The following KCNQ5 variants were observed in gnomAD, a reference collection of about 807,000 sequenced individuals.
The protein encoded by KCNQ5 is potassium voltage-gated channel subfamily KQT member 5.
In KCNQ5, 30 loss-of-function variants were observed where a neutral mutation model predicts 98.2. That is an observed-to-expected ratio of 0.31 (90% CI 0.23 to 0.41). KCNQ5 has a LOEUF of 0.41. Among genes scored for constraint, KCNQ5 ranks in the 10% least tolerant of loss-of-function variants. KCNQ5 has a pLI of 1.00. For synonymous variants in KCNQ5, 458 were observed against 449.4 expected, an observed-to-expected ratio of 1.02 and a Z score of -0.24; for missense variants, 835 against 1,182.5, an observed-to-expected ratio of 0.71 and a Z score of 4.31.
At chr6:72,910,695 C>A (rs138277995) in intron 1 of KCNQ5, among the ~76,000 whole-genome samples, 5 of 151,086 alleles carry the variant, frequency 3.3e-5, no homozygotes, top group Admixed American at 6.6e-5. Context: ...ACTCAAATAC[C>A]CTTGCACTCT....
At chr6:72,668,355 A>G (rs1169158245) in intron 1 of KCNQ5, among the ~76,000 whole-genome samples, 1 of 152,168 alleles carries the variant, frequency 6.6e-6, no homozygotes, top group Non-Finnish European at 1.5e-5. Context: ...GAGAAAACGG[A>G]ATTTCTGCCT....
At chr6:73,175,209 G>A (rs1166540467) in intron 11 of KCNQ5, among the ~76,000 whole-genome samples, 3 of 151,832 alleles carry the variant, frequency 2.0e-5, no homozygotes, top group Non-Finnish European at 4.4e-5. Flanking sequence ...GGAGTGCAAC[G>A]GCGCGATCTT....
At chr6:72,719,823 A>T (rs1769851244) in intron 1 of KCNQ5, among the ~76,000 whole-genome samples, 1 of 151,880 alleles carries the variant, frequency 6.6e-6, no homozygotes, top group Non-Finnish European at 1.5e-5. Flanking sequence ...TCTCTAGACC[A>T]CTCCTGAGGC....
intron 1 of KCNQ5, among the ~76,000 whole-genome samples, chr6:72,708,970 C>A (rs115475489): frequency 0.013 from 2,028 of 152,258 alleles, 32 homozygotes; most frequent in African/African-American, 0.042. Flanking sequence ...TTCTCTAAAA[C>A]TTTGCAAATA....
At chr6:72,934,782 G>C (rs1287273793) in intron 1 of KCNQ5, among the ~76,000 whole-genome samples, 2 of 152,046 alleles carry the variant, frequency 1.3e-5, no homozygotes, top group Admixed American at 6.6e-5. Flanking sequence ...TCACTCCACT[G>C]ATCAACAATG....
intron 1 of KCNQ5, among the ~76,000 whole-genome samples, chr6:72,669,573 G>A (rs546854970): frequency 6.6e-6 from 1 of 152,286 alleles, no homozygotes; most frequent in East Asian, 1.9e-4. Flanking sequence ...CTCCCCTTGG[G>A]CCTGTGGTGG....
At chr6:72,999,653 A>C (rs1213676334) in intron 1 of KCNQ5, among the ~76,000 whole-genome samples, 41 of 152,342 alleles carry the variant, frequency 2.7e-4, no homozygotes. Flanking sequence ...TGTGGAAACT[A>C]TGAACCATTC....
At chr6:72,845,971 G>A (rs1025813086) in intron 1 of KCNQ5, among the ~76,000 whole-genome samples, 6 of 152,112 alleles carry the variant, frequency 3.9e-5, no homozygotes, top group African/African-American at 1.4e-4. Context: ...ACTCAGATGA[G>A]GAGACTGAGG....
At chr6:72,929,873 T>C (rs1220158097) in intron 1 of KCNQ5, among the ~76,000 whole-genome samples, 2 of 152,170 alleles carry the variant, frequency 1.3e-5, no homozygotes, top group Non-Finnish European at 2.9e-5. Context: ...CACAGTCTTA[T>C]GACAGGAAAT....
chr6:72,861,190 C>T (rs1777748406), intron 1 of KCNQ5, among the ~76,000 whole-genome samples: 1 of 152,108 alleles, frequency 6.6e-6, no homozygotes, highest in African/African-American at 2.4e-5. Context: ...AGGGAAACAG[C>T]ATGTGCCTCA....
At chr6:72,847,307 G>A (rs571405416) in intron 1 of KCNQ5, among the ~76,000 whole-genome samples, 1 of 152,206 alleles carries the variant, frequency 6.6e-6, no homozygotes, top group Admixed American at 6.5e-5. Flanking sequence ...TGGATTACAG[G>A]CATGTGCCAC....
intron 1 of KCNQ5, among the ~76,000 whole-genome samples, chr6:72,672,729 T>C (rs1365776542): frequency 6.6e-6 from 1 of 152,182 alleles, no homozygotes; most frequent in Admixed American, 6.5e-5. Context: ...GAAAGGACTT[T>C]GTAAAGTATT....
At chr6:72,646,014 GCTGA>G (rs1296150140) in intron 1 of KCNQ5, among the ~76,000 whole-genome samples, 1 of 152,020 alleles carries the variant, frequency 6.6e-6, no homozygotes, top group Non-Finnish European at 1.5e-5. Context: ...CTGAAGCCAA[GCTGA>G]CTGACAGTAA....
chr6:73,188,889 A>G (rs569007245), intron 11 of KCNQ5, among the ~76,000 whole-genome samples: 29 of 150,814 alleles, frequency 1.9e-4, no homozygotes, highest in African/African-American at 5.9e-4. Flanking sequence ...AGGCTGAGGC[A>G]GGAGAATCGC....
intron 1 of KCNQ5, among the ~76,000 whole-genome samples, chr6:72,737,104 G>T (rs1770890211): frequency 6.6e-6 from 1 of 152,042 alleles, no homozygotes; most frequent in African/African-American, 2.4e-5. Flanking sequence ...GGGATTACAG[G>T]CATCTGCCAT....
intron 1 of KCNQ5, among the ~76,000 whole-genome samples, chr6:72,655,022 GTCTGTCTT>G (rs1313698438): frequency 0.085 from 10,167 of 118,924 alleles, 597 homozygotes; most frequent in African/African-American, 0.15. Flanking sequence ...GCCAAGGTCT[GTCTGTCTT>G]TCTTTCTTTC....
intron 1 of KCNQ5, among the ~76,000 whole-genome samples, chr6:72,690,292 T>C (rs1227986181): frequency 3.9e-5 from 6 of 152,156 alleles, no homozygotes. Flanking sequence ...ATTAATTTGT[T>C]ACAATCAAAC....
At chr6:73,126,556 T>C (rs1775994393) in intron 9 of KCNQ5, among the ~76,000 whole-genome samples, 1 of 152,220 alleles carries the variant, frequency 6.6e-6, no homozygotes, top group African/African-American at 2.4e-5. Flanking sequence ...TTCGCATATA[T>C]CTACGACATT....
chr6:73,044,794 G>A (rs1349502211), intron 3 of KCNQ5, among the ~76,000 whole-genome samples: 1 of 152,192 alleles, frequency 6.6e-6, no homozygotes, highest in African/African-American at 2.4e-5. Flanking sequence ...CCTGATAACT[G>A]TTCTGAATGG....
Sources: gnomAD v4.1 joint callset for allele counts (sites outside exome capture counted in the v4.1 genomes callset) on GRCh38, gnomAD v4.1.1 for gene constraint, MANE v1.5 for transcripts, NCBI Gene and HGNC (gene_info 2026-07-23, HGNC 2026-07-21) for gene names.